The following NEXN variants were observed in gnomAD, a reference collection of about 807,000 sequenced individuals.
The protein encoded by NEXN is nexilin F-actin binding protein.
In NEXN, 65 loss-of-function variants were observed where a neutral mutation model predicts 92.6. That is an observed-to-expected ratio of 0.70 (90% confidence interval 0.57 to 0.86). The LOEUF is 0.86. Ranked by LOEUF, NEXN falls within the 40% of genes least tolerant of loss-of-function variation. The pLI is 0.00. For synonymous variants in NEXN, 254 were observed against 242.5 expected (o/e 1.05, Z -0.44); for missense variants, 778 against 771.1 (o/e 1.01, Z -0.11).
intron 1 of NEXN, among the ~76,000 whole-genome samples, chr1:77,912,911 C>T (rs1322030322): frequency 6.6e-6 from 1 of 152,050 alleles, no homozygotes; most frequent in South Asian, 2.1e-4. Flanking sequence ...ATACCAAAGT[C>T]ACAATTCATG....
chr1:77,905,037 G>A (rs1328761112), intron 1 of NEXN, among the ~76,000 whole-genome samples: 2 of 152,120 alleles, frequency 1.3e-5, no homozygotes, highest in African/African-American at 4.8e-5. Context: ...GCCAAGGTGG[G>A]CGGATCACGA....
intron 1 of NEXN, among the ~76,000 whole-genome samples, chr1:77,904,509 C>T (rs1647953896): frequency 1.3e-5 from 2 of 152,170 alleles, no homozygotes; most frequent in Admixed American, 1.3e-4. Flanking sequence ...ATCTTTCAAA[C>T]TTGCTAGTTT....
intron 9 of NEXN, among the ~76,000 whole-genome samples, chr1:77,930,672 G>A (rs1394994734): frequency 1.3e-5 from 2 of 152,090 alleles, no homozygotes; most frequent in Admixed American, 1.3e-4. Flanking sequence ...TTCCAAATAT[G>A]CTGAATTTGT....
chr1:77,891,938 C>T (rs796469944), intron 1 of NEXN, among the ~76,000 whole-genome samples: 6 of 151,728 alleles, frequency 4.0e-5, no homozygotes, highest in African/African-American at 1.4e-4. Context: ...TAAAAATTAG[C>T]CAGATGTGGT....
chr1:77,940,820 G>C (rs1228701814), intron 11 of NEXN, among the ~76,000 whole-genome samples: 1 of 152,124 alleles, frequency 6.6e-6, no homozygotes, highest in African/African-American at 2.4e-5. Flanking sequence ...AAAAAATGCT[G>C]TTCATTCATT....
At chr1:77,908,367 A>G (rs1036940824) in intron 1 of NEXN, among the ~76,000 whole-genome samples, 9 of 93,716 alleles carry the variant, frequency 9.6e-5, no homozygotes, top group South Asian at 4.2e-4. Flanking sequence ...GAGCCACTGC[A>G]CCCACCCCCA....
chr1:77,898,059 C>T (rs1047451310), intron 1 of NEXN, among the ~76,000 whole-genome samples: 3 of 152,160 alleles, frequency 2.0e-5, no homozygotes, highest in Non-Finnish European at 4.4e-5. Flanking sequence ...TAGGAAGAAT[C>T]AATATCATGA....
At chr1:77,941,008 C>T (rs1415303284) in intron 11 of NEXN, among the ~76,000 whole-genome samples, 1 of 152,164 alleles carries the variant, frequency 6.6e-6, no homozygotes, top group African/African-American at 2.4e-5. Context: ...ACCTTCTACT[C>T]CTTTCATCGG....
intron 5 of NEXN, among the ~76,000 whole-genome samples, chr1:77,919,619 T>C (rs1649258983): frequency 6.6e-6 from 1 of 150,970 alleles, no homozygotes; most frequent in African/African-American, 2.4e-5. Flanking sequence ...GTTTTGCTCT[T>C]GTCGCCCAGG....
chr1:77,941,878 A>G (rs1485037017), intron 11 of NEXN, 145 bp from the exon 12 acceptor site: 1 of 730,652 alleles, frequency 1.4e-6, no homozygotes, highest in Non-Finnish European at 2.3e-6. Context: ...GGAGAGTTAG[A>G]AAAAATCTGA....
intron 1 of NEXN, among the ~76,000 whole-genome samples, chr1:77,910,289 C>G (rs1057391489): frequency 3.3e-5 from 5 of 152,168 alleles, no homozygotes; most frequent in Non-Finnish European, 7.4e-5. Flanking sequence ...TCTGCTCTTA[C>G]CACTTCTATC....
chr1:77,926,954 G>T, intron 8 of NEXN, 62 bp downstream of exon 8: 1 of 1,586,662 alleles, frequency 6.3e-7, no homozygotes, highest in Non-Finnish European at 8.6e-7. Context: ...TTAAGATAAG[G>T]TTTACTACTA....
intron 9 of NEXN, among the ~76,000 whole-genome samples, chr1:77,930,125 AC>A (rs1472232047): frequency 6.6e-6 from 1 of 152,240 alleles, no homozygotes; most frequent in African/African-American, 2.4e-5. Flanking sequence ...AGACTAGAGC[AC>A]TGCATCTCCT....
chr1:77,895,592 T>C (rs1381110720), intron 1 of NEXN, among the ~76,000 whole-genome samples: 1 of 152,072 alleles, frequency 6.6e-6, no homozygotes, highest in East Asian at 1.9e-4. Context: ...GGCTGGGCAC[T>C]GTGGCTCACG....
intron 5 of NEXN, among the ~76,000 whole-genome samples, chr1:77,919,617 C>T (rs1268333852): frequency 1.4e-5 from 2 of 139,140 alleles, no homozygotes; most frequent in Non-Finnish European, 3.1e-5. Flanking sequence ...GAGTTTTGCT[C>T]TTGTCGCCCA....
At chr1:77,931,991 A>T (rs1010524358) in intron 9 of NEXN, 1 of 152,146 alleles carries the variant, frequency 6.6e-6, no homozygotes, top group Non-Finnish European at 1.5e-5. Context: ...ACAATGGTGC[A>T]ATCTCGGCTC....
chr1:77,899,439 A>G (rs1434088177), intron 1 of NEXN, among the ~76,000 whole-genome samples: 3 of 152,124 alleles, frequency 2.0e-5, no homozygotes, highest in Non-Finnish European at 2.9e-5. Flanking sequence ...GTTCTCACTC[A>G]TAGGTGGGAA....
intron 1 of NEXN, among the ~76,000 whole-genome samples, chr1:77,907,911 T>C (rs1648244915): frequency 6.6e-6 from 1 of 152,136 alleles, no homozygotes; most frequent in South Asian, 2.1e-4. Flanking sequence ...TATGATCCCA[T>C]GATTCCAAGT....
Position 77,942,529 on chromosome 1 carries a change from A to C in NEXN, c.1728A>C (p.Gln576His). ...MNGSTAEDEEQTRSGAPWFKK... is the reference protein window; with the variant it reads ...MNGSTAEDEEHTRSGAPWFKK... Reference sequence around the variant, plus strand: ...GCTCCACTGCTGAAGATGAAGAGCAAACCAGATCAGGAGCTCCATGGTTCA... The same window carrying C: ...GCTCCACTGCTGAAGATGAAGAGCACACCAGATCAGGAGCTCCATGGTTCA... Residue 576 changes from glutamine (Q) to histidine (H), a missense_variant, in exon 13 of 13, where the codon CAA (glutamine) becomes CAC (histidine). This residue lies in a region of NEXN where 532 missense variants were observed against 476.7 expected (regional missense o/e 1.12). Coordinates refer to ENST00000334785, the MANE Select transcript of NEXN (RefSeq NM_144573.4). The C allele has an allele frequency of 1.2e-6, 2 of 1,613,942 alleles. No homozygotes were observed. Among genetic ancestry groups the C allele is most frequent in the East Asian group, 4.5e-5 (2 of 44,878 alleles).
Sources: gnomAD v4.1 joint callset for allele counts (sites outside exome capture counted in the v4.1 genomes callset) on GRCh38, gnomAD v4.1.1 for gene constraint, gnomAD v4.1.1 regional missense constraint, MANE v1.5 for transcripts, NCBI Gene and HGNC (gene_info 2026-07-23, HGNC 2026-07-21) for gene names.